UPF2: variants seen among roughly 807,000 people sequenced by gnomAD.
UPF2 encodes the protein regulator of nonsense transcripts 2.
In UPF2, 17 loss-of-function variants were observed where a neutral mutation model predicts 141.4. The ratio of observed to expected loss-of-function variants is 0.12; its 90% CI spans 0.08 to 0.18. UPF2 has a LOEUF of 0.18. Among genes scored for constraint, UPF2 ranks in the 10% least tolerant of loss-of-function variants. The pLI is 1.00. For synonymous variants in UPF2, 540 were observed against 498.0 expected (o/e 1.08, Z -1.12); for missense variants, 1,152 against 1,515.9 (o/e 0.76, Z 3.99).
intron 10 of UPF2, 68 bp downstream of exon 10, chr10:11,967,273 T>C: frequency 1.1e-6 from 1 of 913,176 alleles, no homozygotes; most frequent in Non-Finnish European, 1.6e-6. Flanking sequence ...TTATTTCACT[T>C]TATCCACCAT....
At chr10:12,004,450 A>G in intron 5 of UPF2, 80 bp downstream of exon 5, 1 of 1,105,812 alleles carries the variant, frequency 9.0e-7, no homozygotes, top group Non-Finnish European at 1.3e-6. Flanking sequence ...ACTACAATAT[A>G]TATATTTTTT....
rs75688131 is a variant in UPF2, at chr10:12,016,225, T to A, written c.1146-2041A>T. 0.052 allele frequency among the ~76,000 whole-genome samples: 7,968 copies of A among 152,256 alleles called. 285 individuals carry two copies. The highest frequency in any genetic ancestry group is 0.08 in the Non-Finnish European group (5,452 of 68,010). The stretch of plus-strand genomic sequence containing the variant: ...AAAGTCATTTAAAAAAAATTTTTTT[T>A]AATTTACTTTTATTTTTTGTAGAGA... On this transcript the variant is annotated intron_variant, in intron 3 of 21. Transcript: ENST00000357604. This position sits in a 1 kb window ranked among gnomAD's most constrained non-coding sequence, Gnocchi z 4.1.
At chr10:11,928,731 C>T in intron 21 of UPF2, 1 of 359,480 alleles carries the variant, frequency 2.8e-6, no homozygotes, top group Non-Finnish European at 5.4e-6. Context: ...AACTAAAAAC[C>T]ATAAAAGAGG....
intron 8 of UPF2, 103 bp downstream of exon 8, chr10:11,997,569 G>T: frequency 2.9e-6 from 3 of 1,028,112 alleles, no homozygotes; most frequent in South Asian, 1.5e-5. Flanking sequence ...CCTACAGAGT[G>T]AATAAAATCA....
At position 11,954,218 on chromosome 10, in the gene UPF2, A is replaced by C. The variant is rs181188034; in HGVS notation, c.2850+1014T>G. The stretch of plus-strand genomic sequence containing the variant: ...TGCTTGGTCTAAATCACAAGTTTAT[A>C]TAATAACCCAACATTAAGATATGGA... On this transcript the variant is annotated intron_variant, in intron 14 of 21. Transcript: ENST00000357604. Among the ~76,000 whole-genome samples the C allele has an allele frequency of 2.0e-5, 3 of 152,306 alleles. No individual in the cohort carries two copies. In the East Asian group the frequency reaches 5.8e-4, roughly 29 times the overall value.
chr10:12,033,376 G>A (rs991053052), intron 2 of UPF2, among the ~76,000 whole-genome samples: 1 of 151,944 alleles, frequency 6.6e-6, no homozygotes, highest in Non-Finnish European at 1.5e-5. Flanking sequence ...TCTACAAAAA[G>A]TACAAAAATA....
intron 10 of UPF2, among the ~76,000 whole-genome samples, chr10:11,965,922 T>C (rs1225980518): frequency 1.3e-5 from 2 of 152,190 alleles, no homozygotes; most frequent in Non-Finnish European, 2.9e-5. Flanking sequence ...AAATTTGTTA[T>C]AGAAAAAAAC....
rs1300571186 is a variant in UPF2, at chr10:11,992,246, ATAAG to A, written c.1844+5422_1844+5425del. ...ATCAGGATATGTCATCAATATAAAA[ATAAG>A]TGAGGGGGGATGGAAAAGCAGACAG... On this transcript the variant is annotated intron_variant, in intron 8 of 21. Transcript: ENST00000357604. The surrounding 1 kb of genome is among the most constrained non-coding windows in gnomAD (Gnocchi z 4.1). 2.0e-5 allele frequency among the ~76,000 whole-genome samples: 3 copies of A among 152,234 alleles called. No homozygotes were observed. Among genetic ancestry groups the A allele is most frequent in the Non-Finnish European group, 2.9e-5 (2 of 68,048 alleles).
At chr10:11,997,798 T>C (rs1833888001) in intron 7 of UPF2, 41 bp from the exon 8 acceptor site, 1 of 1,560,500 alleles carries the variant, frequency 6.4e-7, no homozygotes, top group Non-Finnish European at 8.8e-7. Flanking sequence ...AAACCTCTAA[T>C]TAGTTACGGA....
intron 9 of UPF2, 102 bp from the exon 10 acceptor site, chr10:11,967,556 T>G (rs1833341244): frequency 9.3e-6 from 7 of 750,378 alleles, no homozygotes; most frequent in South Asian, 2.0e-5. Flanking sequence ...GTTTTTTTTT[T>G]TTTTTTTTTT....
In UPF2 at chr10:11,920,918, G is replaced by A. The variant is rs1053192112; in HGVS notation, c.*380C>T. ...AACTCAAATCAAGTTTAAAGCTCAA[G>A]TTCATTTCCCCCACACCATTACCAT... On this transcript the variant is annotated 3_prime_UTR_variant, in exon 22 of 22. Transcript: ENST00000357604. 6.7e-5 allele frequency: 31 copies of A among 459,718 alleles called. 1 individual carries two copies. The highest frequency in any genetic ancestry group is 1.3e-4 in the Non-Finnish European group (29 of 223,626). The allele number at this position is 459,718 out of a possible 1,614,324, so 28.5% of individuals were successfully genotyped here.
chr10:12,012,386 T>A lies in UPF2; in HGVS notation c.1306+1638A>T. 1.3e-5 allele frequency among the ~76,000 whole-genome samples: 2 copies of A among 152,102 alleles called. 1 individual carries two copies. ...CATATGCTAAATATTATAAAGAGAT[T>A]TTGGTTCTAAAATATCTTAACAAAT... On this transcript the variant is annotated intron_variant, in intron 4 of 21. Coordinates refer to ENST00000357604, the MANE Select transcript of UPF2 (RefSeq NM_015542.4).
At chr10:11,949,136 T>A (rs944312622) in intron 15 of UPF2, among the ~76,000 whole-genome samples, 4 of 152,202 alleles carry the variant, frequency 2.6e-5, no homozygotes, top group Admixed American at 2.0e-4. Context: ...CCATCCCACA[T>A]TTCACTGCCC....
intron 9 of UPF2, among the ~76,000 whole-genome samples, chr10:11,968,940 G>A (rs957441821): frequency 5.3e-5 from 8 of 151,712 alleles, no homozygotes; most frequent in African/African-American, 1.7e-4. Context: ...GGCTCACTGC[G>A]ACCTCCACCT....
chr10:11,960,545 GTGA>G (rs1435038825), intron 11 of UPF2, among the ~76,000 whole-genome samples: 3 of 151,258 alleles, frequency 2.0e-5, no homozygotes, highest in African/African-American at 7.3e-5. Context: ...TCCAGCCTGG[GTGA>G]TGGAGTGAGA....
At chr10:11,954,730 C>G (rs1413513346) in intron 14 of UPF2, among the ~76,000 whole-genome samples, 1 of 147,874 alleles carries the variant, frequency 6.8e-6, no homozygotes, top group Non-Finnish European at 1.5e-5. Flanking sequence ...AATCCTAACA[C>G]TTTGGGAGGC....
intron 8 of UPF2, among the ~76,000 whole-genome samples, chr10:11,983,526 TC>T (rs1833634988): frequency 6.6e-6 from 1 of 151,930 alleles, no homozygotes; most frequent in Non-Finnish European, 1.5e-5. Flanking sequence ...GCGCGTGCTA[TC>T]ATGCCCAGCT....
rs80026377 is a variant in UPF2, at chr10:11,941,564, T to TA, written c.3378+1100dup. Among the ~76,000 whole-genome samples, 141 of 146,254 alleles carry TA rather than the reference T, an allele frequency of 9.6e-4. 1 individual carries two copies. In the South Asian group the frequency reaches 0.013, roughly 14 times the overall value. ...AAGATTCCATAATATCTTCTACCTT[T>TA]AAAAAAAAAAACCCTGTCTTTTAAC... On this transcript the variant is annotated intron_variant, in intron 18 of 21. Transcript: ENST00000357604.
chr10:12,021,042 A>G (rs1248435660), intron 3 of UPF2, among the ~76,000 whole-genome samples: 1 of 152,226 alleles, frequency 6.6e-6, no homozygotes, highest in South Asian at 2.1e-4. Flanking sequence ...TATACTATAC[A>G]CTTCAAAAAC....
Sources: gnomAD v4.1 joint callset for allele counts (sites outside exome capture counted in the v4.1 genomes callset) on GRCh38, gnomAD v4.1.1 for gene constraint, Gnocchi (gnomAD v3.1) non-coding constraint, MANE v1.5 for transcripts, NCBI Gene and HGNC (gene_info 2026-07-23, HGNC 2026-07-21) for gene names.